Variants in SMPD3 observed in about 807,000 individuals in gnomAD.
SMPD3 encodes the protein nSMase-2.
Under a neutral mutation model 55.7 loss-of-function variants are expected in SMPD3, and 21 were observed. That is an observed-to-expected ratio of 0.38 (90% CI 0.27 to 0.54). The LOEUF is 0.54. Ranked by LOEUF, SMPD3 falls within the 20% of genes least tolerant of loss-of-function variation. The probability of loss-of-function intolerance (pLI) is 0.80; values close to 1 mark genes in which losing one functional copy is unlikely to be tolerated. For synonymous variants in SMPD3, 457 were observed against 404.3 expected (o/e 1.13, Z -1.56); for missense variants, 842 against 899.6 (o/e 0.94, Z 0.82).
Position 68,371,771 on chromosome 16 carries a change from T to C in SMPD3, c.411A>G (p.Ser137=), listed in dbSNP as rs1597606968. 8 of 1,610,664 alleles carry C rather than the reference T, an allele frequency of 5.0e-6. No individual in the cohort carries two copies. The highest frequency in any genetic ancestry group is 6.8e-6 in the Non-Finnish European group (8 of 1,178,712). The change falls in exon 3 of 9, where the codon TCA becomes TCG. Residue 137 remains serine (S), a synonymous_variant. Transcript: ENST00000219334. ...ATANVCLLPD[S]LARVNNLFNT... ...TAAAAAGGTTGTTGACCCTGGCGAG[T>C]GAGTCGGGCAGGAGGCAGACGTTGG...
intron 1 of SMPD3, among the ~76,000 whole-genome samples, chr16:68,429,498 G>A (rs113879262): frequency 6.6e-6 from 1 of 152,204 alleles, no homozygotes; most frequent in African/African-American, 2.4e-5. Context: ...ATTGATTCCA[G>A]GAGTATAATT....
At chr16:68,406,354 C>T (rs1475190233) in intron 1 of SMPD3, among the ~76,000 whole-genome samples, 1 of 152,174 alleles carries the variant, frequency 6.6e-6, no homozygotes, top group Non-Finnish European at 1.5e-5. Flanking sequence ...TATGATATTT[C>T]TGTGAAATAA....
At chr16:68,419,130 G>A (rs1336873712) in intron 1 of SMPD3, among the ~76,000 whole-genome samples, 1 of 152,168 alleles carries the variant, frequency 6.6e-6, no homozygotes, top group Admixed American at 6.5e-5. Flanking sequence ...ATCTGGCTGG[G>A]CTGTCTAGTC....
At chr16:68,402,244 C>T (rs1325841628) in intron 1 of SMPD3, among the ~76,000 whole-genome samples, 1 of 152,196 alleles carries the variant, frequency 6.6e-6, no homozygotes, top group Non-Finnish European at 1.5e-5. Flanking sequence ...CTCACCTCTG[C>T]AGGCCTCCAT....
intron 3 of SMPD3, chr16:68,367,837 C>T (rs1124585): frequency 0.52 from 79,567 of 152,166 alleles, 21,354 homozygotes; most frequent in East Asian, 0.79. Flanking sequence ...TGAGTCCTGG[C>T]GGGCAAAGAC....
At chr16:68,427,831 G>C (rs1191149599) in intron 1 of SMPD3, among the ~76,000 whole-genome samples, 3 of 152,254 alleles carry the variant, frequency 2.0e-5, no homozygotes, top group African/African-American at 7.2e-5. Context: ...AAGGAAGGAG[G>C]AAGGGAGTGG....
At position 68,360,989 on chromosome 16, in the gene SMPD3, G is replaced by A. The variant is rs1230741934; in HGVS notation, c.*217C>T. ...TGTTGTGAAAGAATGGCACTGGTTA[G>A]GCAGCTGGAGGCTCCTGGGGCGGGC... On this transcript the variant is annotated 3_prime_UTR_variant, in exon 9 of 9. Coordinates refer to ENST00000219334, the MANE Select transcript of SMPD3 (RefSeq NM_018667.4). The A allele has an allele frequency of 1.8e-6, 1 of 555,840 alleles. No individual in the cohort carries two copies. Among genetic ancestry groups the A allele is most frequent in the Admixed American group, 3.4e-5 (1 of 29,438 alleles). The allele number at this position is 555,840 out of a possible 1,614,324, so 34.4% of individuals were successfully genotyped here.
chr16:68,371,387 GC>G lies in SMPD3; in HGVS notation c.794del (p.Gly265AlafsTer39). On this transcript the variant is annotated frameshift_variant, in exon 3 of 9. Transcript: ENST00000219334. LOFTEE classifies it high-confidence loss of function. ...PPEADDPVPG[G>X]QARNGAGGGP... ...CCCCGCCAGCTCCGTTCCTGGCCTG[GC>G]CCCCAGGCACAGGGTCGTCAGCTTC... The G allele has an allele frequency of 1.3e-6, 2 of 1,567,558 alleles. No homozygotes were observed. Among genetic ancestry groups the G allele is most frequent in the African/African-American group, 1.4e-5 (1 of 73,736 alleles).
chr16:68,434,080 C>A (rs920499110), intron 1 of SMPD3, among the ~76,000 whole-genome samples: 2 of 152,116 alleles, frequency 1.3e-5, no homozygotes, highest in Admixed American at 6.6e-5. Context: ...TAAATGTGTA[C>A]TAAATTTAAC....
At chr16:68,420,746 G>C (rs1314734778) in intron 1 of SMPD3, among the ~76,000 whole-genome samples, 3 of 152,248 alleles carry the variant, frequency 2.0e-5, no homozygotes, top group Non-Finnish European at 4.4e-5. Context: ...TGCTGTCACA[G>C]TGATTAATAA....
chr16:68,358,756 T>G lies in SMPD3; in HGVS notation c.*2450A>C, dbSNP rs1431468507. 6.6e-6 allele frequency: 1 copy of G among 152,480 alleles called. No individual in the cohort carries two copies. Among genetic ancestry groups the G allele is most frequent in the African/African-American group, 2.4e-5 (1 of 41,464 alleles). The allele number at this position is 152,480 out of a possible 1,614,324, so 9.4% of individuals were successfully genotyped here. ...CTAGGGCAGGAACAGAGTCTTGGTA[T>G]GGGCCTCGGGTGACCCGTGTGCCCA... On this transcript the variant is annotated 3_prime_UTR_variant, in exon 9 of 9. Coordinates refer to ENST00000219334, the MANE Select transcript of SMPD3 (RefSeq NM_018667.4).
intron 2 of SMPD3, among the ~76,000 whole-genome samples, chr16:68,385,249 TTC>T (rs903145749): frequency 5.3e-5 from 8 of 152,204 alleles, no homozygotes; most frequent in Non-Finnish European, 8.8e-5. Context: ...AATTTCCTTT[TTC>T]TCTCTACTTT....
At chr16:68,414,888 C>T (rs960235206) in intron 1 of SMPD3, among the ~76,000 whole-genome samples, 4 of 152,168 alleles carry the variant, frequency 2.6e-5, no homozygotes, top group African/African-American at 4.8e-5. Flanking sequence ...GGAAGACTGA[C>T]GGACCAATGG....
intron 2 of SMPD3, among the ~76,000 whole-genome samples, chr16:68,386,207 C>T (rs886874557): frequency 3.4e-5 from 5 of 145,188 alleles, no homozygotes; most frequent in African/African-American, 5.2e-5. Flanking sequence ...CAGAGACAGA[C>T]GGGTCTCAAA....
chr16:68,438,393 A>G (rs946337821), intron 1 of SMPD3, among the ~76,000 whole-genome samples: 6 of 152,186 alleles, frequency 3.9e-5, no homozygotes, highest in African/African-American at 1.4e-4. Flanking sequence ...CTGTGGTGCT[A>G]CCTGGCAATA....
In SMPD3 at chr16:68,371,879, T is replaced by C. The variant is rs1212552075; in HGVS notation, c.303A>G (p.Glu101=). ...ARRPYIYSRL[E]DKGLAGGAAL... Reference sequence around the variant, plus strand: ...CTGCCCCACCGGCCAGGCCCTTGTCTTCCAGCCGTGAATAGATGTAGGGCC... The same window carrying C: ...CTGCCCCACCGGCCAGGCCCTTGTCCTCCAGCCGTGAATAGATGTAGGGCC... Residue 101 remains glutamate, a synonymous_variant, in exon 3 of 9, where the codon GAA becomes GAG. Transcript: ENST00000219334. 6 of 1,609,250 alleles carry C rather than the reference T, an allele frequency of 3.7e-6. No individual in the cohort carries two copies. The highest frequency in any genetic ancestry group is 5.1e-6 in the Non-Finnish European group (6 of 1,178,796).
At chr16:68,393,437 C>G (rs946288552) in intron 1 of SMPD3, among the ~76,000 whole-genome samples, 1 of 152,092 alleles carries the variant, frequency 6.6e-6, no homozygotes, top group Non-Finnish European at 1.5e-5. Context: ...GAAAATGGAC[C>G]AGGAATTTAT....
chr16:68,380,639 G>A (rs578055974), intron 2 of SMPD3, among the ~76,000 whole-genome samples: 16 of 152,330 alleles, frequency 1.1e-4, no homozygotes, highest in Non-Finnish European at 2.4e-4. Flanking sequence ...GAGACCAGGA[G>A]GGCCTTGCTT....
intron 2 of SMPD3, among the ~76,000 whole-genome samples, chr16:68,376,271 G>C (rs1375145624): frequency 6.6e-6 from 1 of 152,184 alleles, no homozygotes; most frequent in Non-Finnish European, 1.5e-5. Context: ...CGGGCCTGCT[G>C]CGTGGTGGTG....
Sources: gnomAD v4.1 joint callset for allele counts (sites outside exome capture counted in the v4.1 genomes callset) on GRCh38, gnomAD v4.1.1 for gene constraint, MANE v1.5 for transcripts, NCBI Gene and HGNC (gene_info 2026-07-23, HGNC 2026-07-21) for gene names.